The following DPP6 variants were observed in gnomAD, a reference collection of about 807,000 sequenced individuals.
The protein encoded by DPP6 is A-type potassium channel modulatory protein DPP6.
DPP6 carries 69 observed loss-of-function variants against 122.6 expected under a neutral mutation model. The ratio of observed to expected loss-of-function variants is 0.56; its 90% CI spans 0.46 to 0.69. The LOEUF is 0.69. DPP6 is among the 30% of genes least tolerant of loss of function. The pLI, the probability that DPP6 is intolerant of heterozygous loss-of-function variation, is 0.00. For missense variants in DPP6, 928 were observed against 1,116.9 expected, an observed-to-expected ratio of 0.83 and a Z score of 2.41; for synonymous variants, 418 against 433.1, an observed-to-expected ratio of 0.97 and a Z score of 0.43.
At chr7:154,315,689 C>G (rs77538291) in intron 1 of DPP6, among the ~76,000 whole-genome samples, 1 of 152,178 alleles carries the variant, frequency 6.6e-6, no homozygotes, top group East Asian at 1.9e-4. Flanking sequence ...GGTAAGGGAG[C>G]AATGGGTAGG....
At chr7:154,458,965 T>C (rs1001504272) in intron 2 of DPP6, among the ~76,000 whole-genome samples, 7 of 152,180 alleles carry the variant, frequency 4.6e-5, no homozygotes, top group African/African-American at 1.7e-4. Context: ...TTGAGATGTA[T>C]TTTGATGTTT....
chr7:154,059,921 C>A (rs1294371133), intron 1 of DPP6, among the ~76,000 whole-genome samples: 1 of 152,002 alleles, frequency 6.6e-6, no homozygotes, highest in African/African-American at 2.4e-5. Context: ...TAAGCTCATT[C>A]TTGGGCAAAA....
At chr7:154,376,004 A>G (rs967416740) in intron 1 of DPP6, among the ~76,000 whole-genome samples, 1 of 152,126 alleles carries the variant, frequency 6.6e-6, no homozygotes, top group Admixed American at 6.5e-5. Flanking sequence ...GGTGCATTTC[A>G]CATTACCCCC....
chr7:154,200,892 G>T (rs1483694374), intron 1 of DPP6, among the ~76,000 whole-genome samples: 2 of 151,858 alleles, frequency 1.3e-5, no homozygotes, highest in Non-Finnish European at 2.9e-5. Context: ...CTCTTCTGAT[G>T]GTCCTCAATA....
At chr7:154,452,989 C>T (rs997528768) in intron 2 of DPP6, among the ~76,000 whole-genome samples, 3 of 152,138 alleles carry the variant, frequency 2.0e-5, no homozygotes, top group Non-Finnish European at 4.4e-5. Context: ...ATAATAGGCT[C>T]AACGTTACAT....
chr7:154,224,585 G>T (rs1800489357), intron 1 of DPP6, among the ~76,000 whole-genome samples: 1 of 149,348 alleles, frequency 6.7e-6, no homozygotes, highest in African/African-American at 2.5e-5. Context: ...TCTAAAGTTT[G>T]CTGTGTACAT....
At chr7:154,194,279 A>G (rs1446411993) in intron 1 of DPP6, among the ~76,000 whole-genome samples, 1 of 152,124 alleles carries the variant, frequency 6.6e-6, no homozygotes, top group Non-Finnish European at 1.5e-5. Context: ...GTCAGAAAGA[A>G]AATATAACCA....
chr7:154,607,588 A>G lies in DPP6; in HGVS notation c.628-30233A>G, dbSNP rs1192201850. Among the ~76,000 whole-genome samples the G allele has an allele frequency of 1.9e-5, 2 of 107,034 alleles. 1 individual carries two copies. Among genetic ancestry groups the G allele is most frequent in the Admixed American group, 2.2e-4 (2 of 9,078 alleles). The allele number at this position is 107,034 out of a possible 152,430, so 70.2% of individuals were successfully genotyped here. ...AAAAAAAAAAAAAAAAAAAAAAAAA[A>G]GGAAAGAAAAAGTTGAATTGCTTGA... On this transcript the variant is annotated intron_variant, in intron 5 of 25. Coordinates refer to ENST00000377770, the MANE Select transcript of DPP6 (RefSeq NM_130797.4).
In DPP6 at chr7:154,052,934, C is replaced by T. The variant is rs554552970; in HGVS notation, c.114C>T (p.Gly38=). 211,146 of 1,453,984 alleles carry T rather than the reference C, an allele frequency of 0.15. 16,059 individuals carry two copies. The highest frequency in any genetic ancestry group is 0.16 in the South Asian group (13,006 of 81,070). The allele number at this position is 1,453,984 out of a possible 1,614,324, so 90.1% of individuals were successfully genotyped here. ...GCCAGGGGCCCGAGGAGGACGGCGGCGCAGGAGCCAAGCCCCTCGGCCCGC... is the reference window on the plus strand; with the variant it reads ...GCCAGGGGCCCGAGGAGGACGGCGGTGCAGGAGCCAAGCCCCTCGGCCCGC... ...LGGQGPEEDG[G]AGAKPLGPRA... Residue 38 remains glycine (G), a synonymous_variant, in exon 1 of 26, where the codon GGC becomes GGT. Coordinates refer to ENST00000377770, the MANE Select transcript of DPP6 (RefSeq NM_130797.4). This position sits in a 1 kb window ranked among gnomAD's most constrained non-coding sequence, Gnocchi z 4.8.
intron 1 of DPP6, among the ~76,000 whole-genome samples, chr7:154,401,209 AAC>A (rs386719739): frequency 2.1e-5 from 3 of 145,268 alleles, no homozygotes; most frequent in African/African-American, 5.2e-5. Context: ...AAAAAACAAA[AAC>A]AAAAACAAAA....
chr7:153,757,055 T>C, the DPP6 span, among the ~76,000 whole-genome samples: 1 of 122,886 alleles, frequency 8.1e-6, no homozygotes, highest in Non-Finnish European at 1.8e-5. Context: ...ATAGAGTGAT[T>C]GGAATTTTAT....
At chr7:154,766,336 G>T (rs938903537) in intron 8 of DPP6, among the ~76,000 whole-genome samples, 1 of 151,494 alleles carries the variant, frequency 6.6e-6, no homozygotes, top group African/African-American at 2.4e-5. Flanking sequence ...TTATTTTTTT[G>T]AGACCTAGTC....
intron 1 of DPP6, among the ~76,000 whole-genome samples, chr7:153,990,771 T>C (rs1484884201): frequency 2.0e-5 from 3 of 152,122 alleles, no homozygotes; most frequent in African/African-American, 7.2e-5. Context: ...AGGTGACCTG[T>C]CCACATTTAA....
intron 3 of DPP6, among the ~76,000 whole-genome samples, chr7:154,530,633 A>G (rs796440134): frequency 1.3e-5 from 2 of 152,308 alleles, no homozygotes; most frequent in African/African-American, 2.4e-5. Flanking sequence ...TTGCAGTCCA[A>G]TTACTGGGTA....
intron 5 of DPP6, among the ~76,000 whole-genome samples, chr7:154,580,242 CAT>C (rs1352679931): frequency 6.6e-6 from 1 of 151,586 alleles, no homozygotes; most frequent in Admixed American, 6.6e-5. Context: ...TACACACACA[CAT>C]GCACACACAC....
At chr7:154,540,036 T>C (rs1348445132) in intron 3 of DPP6, among the ~76,000 whole-genome samples, 1 of 152,108 alleles carries the variant, frequency 6.6e-6, no homozygotes, top group Non-Finnish European at 1.5e-5. Flanking sequence ...ATCTATGAGA[T>C]GTATAGATTC....
At chr7:154,019,193 C>T (rs1049691978) in intron 1 of DPP6, among the ~76,000 whole-genome samples, 1 of 152,076 alleles carries the variant, frequency 6.6e-6, no homozygotes, top group Non-Finnish European at 1.5e-5. Flanking sequence ...TAACAGGGCC[C>T]TGCTTATTAA....
At chr7:153,916,956 C>T (rs1049494968) in intron 1 of DPP6, among the ~76,000 whole-genome samples, 7 of 152,186 alleles carry the variant, frequency 4.6e-5, no homozygotes, top group African/African-American at 1.7e-4. Flanking sequence ...AATAGAGCAT[C>T]GCTGATTAGT....
chr7:154,874,011 CATG>C (rs1804633326), intron 19 of DPP6, among the ~76,000 whole-genome samples: 10 of 151,938 alleles, frequency 6.6e-5, no homozygotes, highest in South Asian at 2.1e-4. Flanking sequence ...CATACACACA[CATG>C]CACACACATA....
Sources: gnomAD v4.1 joint callset for allele counts (sites outside exome capture counted in the v4.1 genomes callset) on GRCh38, gnomAD v4.1.1 for gene constraint, Gnocchi (gnomAD v3.1) non-coding constraint, MANE v1.5 for transcripts, NCBI Gene and HGNC (gene_info 2026-07-23, HGNC 2026-07-21) for gene names.